Variants in NHSL2 observed in about 807,000 individuals in gnomAD.
The protein encoded by NHSL2 is NHS-like protein 2.
In NHSL2, 27 loss-of-function variants were observed where a neutral mutation model predicts 53.4. The observed-to-expected ratio is 0.51, with a 90% CI of 0.37 to 0.70. The LOEUF is 0.70. NHSL2 is among the 30% of genes least tolerant of loss of function. NHSL2 has a pLI of 0.00. For missense variants in NHSL2, 892 were observed against 980.1 expected (o/e 0.91, Z 1.20); for synonymous variants, 408 against 404.1 (o/e 1.01, Z -0.12).
intron 1 of NHSL2, chrX:72,129,856 G>A: frequency 8.3e-7 from 1 of 1,200,513 alleles, no homozygotes; most frequent in South Asian, 1.8e-5. Context: ...GCCACGAGCA[G>A]CTCGGTGGCC....
At chrX:72,112,511 C>T (rs2042101788) in intron 1 of NHSL2, among the ~76,000 whole-genome samples, 1 of 111,691 alleles carries the variant, frequency 9.0e-6, no homozygotes, top group African/African-American at 3.3e-5. Context: ...CTTTTGCCAA[C>T]CCCTACCTCT....
In NHSL2 at chrX:71,990,260, G is replaced by A. The variant is rs961315010; in HGVS notation, c.280+78893G>A. Among the ~76,000 whole-genome samples, 8 of 111,859 alleles carry A rather than the reference G, an allele frequency of 7.2e-5. No homozygotes were observed. The Admixed American group carries it at 7.6e-4, about 11-fold the overall frequency. Reference sequence around the variant, plus strand: ...ATCTAGAAGAGTCAAGAGGTCAAAAGGCCCAGACTCAATTTTCCATACTGA... The same window carrying A: ...ATCTAGAAGAGTCAAGAGGTCAAAAAGCCCAGACTCAATTTTCCATACTGA... On this transcript the variant is annotated intron_variant, in intron 1 of 7. Coordinates refer to ENST00000633930, the MANE Select transcript of NHSL2 (RefSeq NM_001013627.3).
At chrX:72,140,859 A>G in intron 6 of NHSL2, 88 bp downstream of exon 6, 1 of 790,196 alleles carries the variant, frequency 1.3e-6, no homozygotes, top group Non-Finnish European at 1.8e-6. Flanking sequence ...CAGATGCCCC[A>G]GAATAATTAT....
intron 1 of NHSL2, among the ~76,000 whole-genome samples, chrX:72,027,976 T>TTGC (rs1002547769): frequency 5.4e-5 from 6 of 111,521 alleles, no homozygotes; most frequent in East Asian, 2.8e-4. Flanking sequence ...GGTGTTGAGT[T>TTGC]TGCTGCTGCT....
In NHSL2 at chrX:72,148,833, A is replaced by AGTGTGTGTGTGTGT. The variant is rs2042484052; in HGVS notation, c.*5260_*5261insTGTGTGTGTGTGTG. 1 of 67,768 alleles carries AGTGTGTGTGTGTGT rather than the reference A, an allele frequency of 1.5e-5. No individual in the cohort carries two copies. Among genetic ancestry groups the AGTGTGTGTGTGTGT allele is most frequent in the African/African-American group, 5.4e-5 (1 of 18,530 alleles). 5.6% of individuals were successfully genotyped at this position (67,768 alleles called of 1,213,427 possible). A position where few individuals can be genotyped will look rare whatever the true frequency, so the allele number is the denominator to read the frequency against. On this transcript the variant is annotated 3_prime_UTR_variant, in exon 8 of 8. Coordinates refer to ENST00000633930, the MANE Select transcript of NHSL2 (RefSeq NM_001013627.3). ...TGGAGAGGGAGAAAGAGAGAGAGAGAGAGTGTATGTGTGTGTGTGTGTGTG... is the reference window on the plus strand; with the variant it reads ...TGGAGAGGGAGAAAGAGAGAGAGAGAGTGTGTGTGTGTGTGAGTGTATGTGTGTGTGTGTGTGTG...
At chrX:72,043,589 A>T (rs1256854585) in intron 1 of NHSL2, among the ~76,000 whole-genome samples, 1 of 111,526 alleles carries the variant, frequency 9.0e-6, no homozygotes. Flanking sequence ...TACTCTTTCC[A>T]TGATACTTTG....
chrX:72,142,391 T>G, intron 7 of NHSL2, 27 bp downstream of exon 7: 1 of 1,068,884 alleles, frequency 9.4e-7, no homozygotes, highest in South Asian at 2.4e-5. Flanking sequence ...TTAATTCTAA[T>G]TGCAATTGCC....
intron 1 of NHSL2, among the ~76,000 whole-genome samples, chrX:72,006,196 C>T (rs778592728): frequency 8.9e-6 from 1 of 112,010 alleles, no homozygotes; most frequent in African/African-American, 3.3e-5. Flanking sequence ...TCTGCCTGTC[C>T]GAATTTTCTT....
intron 1 of NHSL2, among the ~76,000 whole-genome samples, chrX:72,063,002 C>T (rs1186114418): frequency 9.0e-6 from 1 of 111,182 alleles, no homozygotes; most frequent in Non-Finnish European, 1.9e-5. Context: ...ATGGCCAGGG[C>T]CTGCCCAAGG....
Position 72,146,852 on chromosome X carries a change from A to G in NHSL2, c.*3278A>G, listed in dbSNP as rs1307441158. ...CAGCCCCAACTTATTCCTCAGCCCCAACTTATCCCTCAGCCCCAAATCCCA... is the reference window on the plus strand; with the variant it reads ...CAGCCCCAACTTATTCCTCAGCCCCGACTTATCCCTCAGCCCCAAATCCCA... On this transcript the variant is annotated 3_prime_UTR_variant, in exon 8 of 8. Transcript: ENST00000633930. The G allele has an allele frequency of 1.8e-5, 2 of 111,167 alleles. No homozygotes were observed. Among genetic ancestry groups the G allele is most frequent in the African/African-American group, 6.6e-5 (2 of 30,462 alleles). 9.2% of individuals were successfully genotyped at this position (111,167 alleles called of 1,213,427 possible). A position where few individuals can be genotyped will look rare whatever the true frequency, so the allele number is the denominator to read the frequency against.
At chrX:71,918,935 G>T (rs568130269) in intron 1 of NHSL2, among the ~76,000 whole-genome samples, 3 of 112,050 alleles carry the variant, frequency 2.7e-5, no homozygotes, top group African/African-American at 9.7e-5. Context: ...ACATGGAAAT[G>T]CACAAAATAA....
chrX:72,094,476 T>C (rs1187388488), intron 1 of NHSL2, among the ~76,000 whole-genome samples: 1 of 110,968 alleles, frequency 9.0e-6, no homozygotes, highest in East Asian at 2.8e-4. Context: ...AATGAATTTG[T>C]TCCTGATATT....
At chrX:71,958,203 G>A (rs1602278797) in intron 1 of NHSL2, among the ~76,000 whole-genome samples, 3 of 110,936 alleles carry the variant, frequency 2.7e-5, no homozygotes. Context: ...ATCAGTGATA[G>A]TCCTAGAGCC....
intron 1 of NHSL2, among the ~76,000 whole-genome samples, chrX:72,120,151 AT>A (rs2042171208): frequency 8.9e-6 from 1 of 112,046 alleles, no homozygotes; most frequent in Non-Finnish European, 1.9e-5. Context: ...CTCATAAGAG[AT>A]ATTGGTCTGT....
At chrX:71,989,182 C>A (rs1318986984) in intron 1 of NHSL2, among the ~76,000 whole-genome samples, 2 of 109,821 alleles carry the variant, frequency 1.8e-5, no homozygotes, top group African/African-American at 3.3e-5. Context: ...AAGACCTTGT[C>A]TTTAAAAATA....
chrX:72,099,663 C>T (rs181519089), intron 1 of NHSL2, among the ~76,000 whole-genome samples: 122 of 111,063 alleles, frequency 1.1e-3, no homozygotes, highest in African/African-American at 3.3e-3. Context: ...GCCGCCACGC[C>T]GGCCACCAGT....
In NHSL2 at chrX:72,139,335, A is replaced by C; in HGVS notation, c.1787A>C (p.Gln596Pro). Residue 596 changes from glutamine (Q) to proline (P), a missense_variant, in exon 6 of 8, where the codon CAG becomes CCG. Gln to Pro is a moderately conservative substitution (Grantham distance 76, BLOSUM62 -1). Transcript: ENST00000633930. ...PEGGSALPKDQRPKSLCLSLE... is the reference protein window; with the variant it reads ...PEGGSALPKDPRPKSLCLSLE... ...GGTGGGTCAGCACTACCCAAGGACC[A>C]GAGGCCCAAGAGCCTTTGCCTCTCC... The C allele has an allele frequency of 8.3e-7, 1 of 1,210,085 alleles. No individual in the cohort carries two copies. Among genetic ancestry groups the C allele is most frequent in the African/African-American group, 1.7e-5 (1 of 57,842 alleles).
intron 1 of NHSL2, among the ~76,000 whole-genome samples, chrX:72,119,010 C>T (rs1316881570): frequency 3.6e-5 from 4 of 111,327 alleles, no homozygotes; most frequent in Non-Finnish European, 7.5e-5. Context: ...GTCCCAGCGC[C>T]ACTTACTGAA....
chrX:72,118,684 C>A (rs2042159506), intron 1 of NHSL2, among the ~76,000 whole-genome samples: 1 of 111,959 alleles, frequency 8.9e-6, no homozygotes, highest in African/African-American at 3.3e-5. Flanking sequence ...TGTCAGCCTC[C>A]CAAAGTGTTA....
Sources: gnomAD v4.1 joint callset for allele counts (sites outside exome capture counted in the v4.1 genomes callset) on GRCh38, gnomAD v4.1.1 for gene constraint, MANE v1.5 for transcripts, NCBI Gene and HGNC (gene_info 2026-07-23, HGNC 2026-07-21) for gene names.